Variants in NUP188 observed in about 807,000 individuals in gnomAD.
NUP188 encodes nucleoporin NUP188.
Under a neutral mutation model 223.0 loss-of-function variants are expected in NUP188, and 97 were observed. The ratio of observed to expected loss-of-function variants is 0.43; its 90% confidence interval spans 0.37 to 0.51. The LOEUF (loss-of-function observed/expected upper bound fraction) is 0.51, where lower values mean the gene tolerates loss of function less well. Ranked by LOEUF, NUP188 falls within the 20% of genes least tolerant of loss-of-function variation. The pLI is 0.00. For synonymous variants in NUP188, 869 were observed against 828.0 expected, an observed-to-expected ratio of 1.05 and a Z score of -0.85; for missense variants, 1,947 against 2,175.6, an observed-to-expected ratio of 0.89 and a Z score of 2.09.
intron 19 of NUP188, among the ~76,000 whole-genome samples, chr9:128,984,348 A>G (rs1438254191): frequency 6.6e-6 from 1 of 151,218 alleles, no homozygotes; most frequent in African/African-American, 2.4e-5. Context: ...CTGGTCTCGA[A>G]CTCCTGACCT....
chr9:129,000,358 G>A (rs1371651822), intron 34 of NUP188, among the ~76,000 whole-genome samples: 4 of 152,188 alleles, frequency 2.6e-5, no homozygotes, highest in Non-Finnish European at 4.4e-5. Flanking sequence ...TCGCTCTGTC[G>A]CCCAGGGTGG....
At chr9:128,958,430 A>G (rs955785595) in intron 6 of NUP188, among the ~76,000 whole-genome samples, 6 of 152,154 alleles carry the variant, frequency 3.9e-5, no homozygotes, top group African/African-American at 1.4e-4. Context: ...CCTATTTTAT[A>G]TTTAGTGAGA....
At chr9:128,996,370 G>C (rs1842526568) in intron 30 of NUP188, among the ~76,000 whole-genome samples, 1 of 152,028 alleles carries the variant, frequency 6.6e-6, no homozygotes, top group Non-Finnish European at 1.5e-5. Context: ...GGCTGGTCTC[G>C]AACTCCTGAC....
intron 8 of NUP188, among the ~76,000 whole-genome samples, chr9:128,967,052 G>C (rs1842039787): frequency 6.6e-6 from 1 of 152,188 alleles, no homozygotes; most frequent in Non-Finnish European, 1.5e-5. Flanking sequence ...GTGTCACCCA[G>C]GCTGGGGTAC....
rs762387435 is a variant in NUP188, at chr9:129,006,556, C to T, written c.5128C>T (p.Pro1710Ser). 1 of 1,614,202 alleles carries T rather than the reference C, an allele frequency of 6.2e-7. No individual in the cohort carries two copies. Among genetic ancestry groups the T allele is most frequent in the African/African-American group, 1.3e-5 (1 of 75,062 alleles). Residue 1710 changes from proline to serine, a missense_variant, in exon 44 of 44, where the codon CCT becomes TCT. Physicochemically the swap from Pro to Ser is moderately conservative, Grantham distance 74. Coordinates refer to ENST00000372577, the MANE Select transcript of NUP188 (RefSeq NM_015354.3). ...RYFRRGAPSS[P>S]ATGVLPSPQG... ...CTTCCGCCGGGGAGCCCCCAGCTCC[C>T]CTGCCACTGGTGTCCTCCCCTCGCC...
chr9:128,994,516 C>G (rs1022403373), intron 28 of NUP188, 74 bp downstream of exon 28: 1 of 990,600 alleles, frequency 1.0e-6, no homozygotes, highest in African/African-American at 1.6e-5. Flanking sequence ...GAGATGGGGC[C>G]GTAGACAATG....
At chr9:128,964,706 AT>A (rs112671736) in intron 8 of NUP188, among the ~76,000 whole-genome samples, 5,906 of 129,468 alleles carry the variant, frequency 0.046, 246 homozygotes, top group African/African-American at 0.13. Context: ...TTTAATTTTA[AT>A]TTTTTTTTTT....
At chr9:128,965,902 A>C (rs1157896169) in intron 8 of NUP188, among the ~76,000 whole-genome samples, 1 of 149,474 alleles carries the variant, frequency 6.7e-6, no homozygotes, top group African/African-American at 2.5e-5. Flanking sequence ...GGTTCAAATG[A>C]TTCTCCTGCC....
chr9:128,987,864 T>G (rs1426761002), intron 23 of NUP188, 147 bp downstream of exon 23: 5 of 1,233,858 alleles, frequency 4.1e-6, no homozygotes, highest in Admixed American at 2.2e-5. Flanking sequence ...TAGTGGCTGC[T>G]GTATAGATTG....
intron 5 of NUP188, among the ~76,000 whole-genome samples, chr9:128,957,316 CA>C (rs1384868461): frequency 6.6e-6 from 1 of 152,046 alleles, no homozygotes; most frequent in African/African-American, 2.4e-5. Context: ...CCAGCCTAGG[CA>C]AAAGAGTGAG....
intron 2 of NUP188, among the ~76,000 whole-genome samples, chr9:128,951,267 A>G (rs974444975): frequency 6.6e-6 from 1 of 150,920 alleles, no homozygotes; most frequent in Non-Finnish European, 1.5e-5. Flanking sequence ...AGATCGCGCA[A>G]CTGTACTCCA....
At chr9:128,964,800 G>A (rs1205135716) in intron 8 of NUP188, among the ~76,000 whole-genome samples, 1 of 151,286 alleles carries the variant, frequency 6.6e-6, no homozygotes, top group East Asian at 1.9e-4. Context: ...CTGCCTCCCG[G>A]GTTCAAGGGA....
At chr9:128,987,539 A>G (rs528999382) in intron 22 of NUP188, 50 bp from the exon 23 acceptor site, 2 of 1,579,140 alleles carry the variant, frequency 1.3e-6, no homozygotes, top group South Asian at 1.2e-5. Flanking sequence ...CCTTCCTTCC[A>G]AGATACACTG....
At chr9:128,968,465 C>T (rs933670244) in intron 8 of NUP188, 41 bp from the exon 9 acceptor site, 41 of 1,474,332 alleles carry the variant, frequency 2.8e-5, no homozygotes, top group Non-Finnish European at 3.5e-5. Context: ...TTTTTAATCT[C>T]ATGTTATTTC....
chr9:128,980,539 G>C, intron 13 of NUP188, 67 bp from the exon 14 acceptor site: 1 of 1,528,954 alleles, frequency 6.5e-7, no homozygotes, highest in Non-Finnish European at 8.9e-7. Flanking sequence ...ATGATTGCTG[G>C]GAAATTTGGA....
intron 1 of NUP188, 182 bp downstream of exon 1, chr9:128,947,933 G>T: frequency 2.2e-6 from 1 of 449,192 alleles, no homozygotes; most frequent in Non-Finnish European, 3.7e-6. Context: ...GGGATCTGAA[G>T]AGTCTTCTTC....
At chr9:128,975,585 A>T (rs923865044) in intron 12 of NUP188, among the ~76,000 whole-genome samples, 1 of 143,978 alleles carries the variant, frequency 6.9e-6, no homozygotes, top group Admixed American at 7.0e-5. Context: ...AAGTAGCGTG[A>T]TCTCCACTCA....
chr9:129,000,236 C>A (rs182248670), intron 34 of NUP188, among the ~76,000 whole-genome samples: 2 of 152,260 alleles, frequency 1.3e-5, no homozygotes, highest in Non-Finnish European at 2.9e-5. Flanking sequence ...GGATTACAGG[C>A]GTGCCCAAGA....
chr9:128,961,100 A>C (rs1401390730), intron 8 of NUP188, among the ~76,000 whole-genome samples: 1 of 151,252 alleles, frequency 6.6e-6, no homozygotes, highest in African/African-American at 2.4e-5. Flanking sequence ...AAAAAAAAAA[A>C]AAACCATAAA....
Sources: allele counts gnomAD v4.1 joint callset (sites outside exome capture counted in the v4.1 genomes callset), GRCh38; gene constraint gnomAD v4.1.1; transcripts MANE v1.5; gene names NCBI Gene and HGNC (gene_info 2026-07-23, HGNC 2026-07-21).